Variants in DCAF7 observed in about 807,000 individuals in gnomAD.
DCAF7 encodes DDB1 and CUL4 associated factor 7, also known as DDB1- and CUL4-associated factor 7.
Under a neutral mutation model 41.2 loss-of-function variants are expected in DCAF7, and 4 were observed. That is an observed-to-expected ratio of 0.10 (90% CI 0.05 to 0.22). The LOEUF (loss-of-function observed/expected upper bound fraction) is 0.22, where lower values mean the gene tolerates loss of function less well. Ranked by LOEUF, DCAF7 falls within the 10% of genes least tolerant of loss-of-function variation. The pLI is 1.00. For synonymous variants in DCAF7, 143 were observed against 164.2 expected, an observed-to-expected ratio of 0.87 and a Z score of 0.99; for missense variants, 131 against 443.2, an observed-to-expected ratio of 0.30 and a Z score of 6.32.
chr17:63,589,969 C>T lies in DCAF7; in HGVS notation c.*797C>T, dbSNP rs2033717576. The T allele has an allele frequency of 6.5e-6, 1 of 152,716 alleles. No individual in the cohort carries two copies. The highest frequency in any genetic ancestry group is 2.1e-4 in the South Asian group (1 of 4,832). 9.5% of individuals were successfully genotyped at this position (152,716 alleles called of 1,614,324 possible). ...AGCCTCTGTTTACCCTGAAGCACCA[C>T]TGTCCAGCCCATTGGTTCCCACTGG... On this transcript the variant is annotated 3_prime_UTR_variant, in exon 7 of 7. Coordinates refer to ENST00000614556, the MANE Select transcript of DCAF7 (RefSeq NM_005828.5).
intron 1 of DCAF7, among the ~76,000 whole-genome samples, chr17:63,551,313 C>T (rs930055561): frequency 1.3e-5 from 2 of 149,248 alleles, no homozygotes; most frequent in Admixed American, 1.3e-4. Context: ...TCCCACCCCC[C>T]CCGGGTACTC....
chr17:63,555,228 G>A (rs543510003), intron 1 of DCAF7, among the ~76,000 whole-genome samples: 2 of 152,232 alleles, frequency 1.3e-5, no homozygotes, highest in Non-Finnish European at 2.9e-5. Flanking sequence ...ATGGCAGTGT[G>A]ATTGGGATTT....
intron 1 of DCAF7, among the ~76,000 whole-genome samples, chr17:63,554,788 A>G: frequency 6.6e-6 from 1 of 152,226 alleles, no homozygotes; most frequent in East Asian, 1.9e-4. Flanking sequence ...CTGTACCTGT[A>G]ATTGAAATAT....
chr17:63,559,396 TATGTATATATATGTATATATATAC>T (rs1160549142), intron 1 of DCAF7, among the ~76,000 whole-genome samples: 8 of 98,822 alleles, frequency 8.1e-5, no homozygotes, highest in Middle Eastern at 6.0e-3. Flanking sequence ...TGTATATATA[TATGTATATATATGTATATATATAC>T]GTATATATAT....
chr17:63,588,863 A>T, intron 6 of DCAF7, 137 bp from the exon 7 acceptor site: 1 of 936,168 alleles, frequency 1.1e-6, no homozygotes, highest in Non-Finnish European at 1.5e-6. Context: ...CGATTTCCTC[A>T]TCGATAAAAT....
At chr17:63,561,985 T>C (rs1378651434) in intron 1 of DCAF7, among the ~76,000 whole-genome samples, 1 of 146,972 alleles carries the variant, frequency 6.8e-6, no homozygotes, top group African/African-American at 2.6e-5. Context: ...CTCCAGAGTG[T>C]TCAGAATAAA....
intron 1 of DCAF7, among the ~76,000 whole-genome samples, chr17:63,555,256 AACTG>A (rs1214640621): frequency 6.6e-6 from 1 of 152,192 alleles, no homozygotes; most frequent in Non-Finnish European, 1.5e-5. Flanking sequence ...CCCAGTATTT[AACTG>A]ACTACTTGTG....
intron 5 of DCAF7, 62 bp from the exon 6 acceptor site, chr17:63,585,149 A>AT (rs1240786064): frequency 1.4e-6 from 2 of 1,387,556 alleles, no homozygotes; most frequent in Non-Finnish European, 2.0e-6. Context: ...TGTGGATAGT[A>AT]TTTTTTGTTT....
intron 5 of DCAF7, among the ~76,000 whole-genome samples, chr17:63,584,164 C>A (rs1598037024): frequency 6.6e-6 from 1 of 152,198 alleles, no homozygotes; most frequent in African/African-American, 2.4e-5. Context: ...CTTTAGCAAA[C>A]AGATGTAGAA....
chr17:63,551,310 C>A (rs181857091), intron 1 of DCAF7, among the ~76,000 whole-genome samples: 1 of 147,120 alleles, frequency 6.8e-6, no homozygotes, highest in African/African-American at 2.5e-5. Flanking sequence ...TACTCCCACC[C>A]CCCCCGGGTA....
Position 63,590,591 on chromosome 17 carries a change from G to C in DCAF7, c.*1419G>C, listed in dbSNP as rs2033724097. ...CTGTTATGTGAATGAGTTCCATGGA[G>C]GGGCATATGTGTGATTCCACCGTTA... On this transcript the variant is annotated 3_prime_UTR_variant, in exon 7 of 7. Transcript: ENST00000614556. The C allele has an allele frequency of 6.6e-6, 1 of 152,636 alleles. No individual in the cohort carries two copies. The highest frequency in any genetic ancestry group is 6.6e-5 in the Admixed American group (1 of 15,250). 9.5% of individuals were successfully genotyped at this position (152,636 alleles called of 1,614,324 possible).
intron 1 of DCAF7, among the ~76,000 whole-genome samples, chr17:63,553,251 G>A (rs1366339507): frequency 1.3e-5 from 2 of 152,150 alleles, no homozygotes; most frequent in African/African-American, 4.8e-5. Context: ...ATTTCAAGAT[G>A]CTTAACAACT....
In DCAF7 at chr17:63,578,635, G is replaced by A. The variant is rs769781886; in HGVS notation, c.297+7G>A. Reference sequence around the variant, plus strand: ...CTATCTCCGTGTGTGGAGGGTAAGCGGATGCTTTATTAGCAGCCAGACAAG... The same window carrying A: ...CTATCTCCGTGTGTGGAGGGTAAGCAGATGCTTTATTAGCAGCCAGACAAG... On this transcript the variant is annotated splice_region_variant and intron_variant, in intron 2 of 6. Coordinates refer to ENST00000614556, the MANE Select transcript of DCAF7 (RefSeq NM_005828.5). 6.2e-6 allele frequency: 10 copies of A among 1,613,910 alleles called. No individual in the cohort carries two copies. The highest frequency in any genetic ancestry group is 2.2e-5 in the East Asian group (1 of 44,882).
intron 1 of DCAF7, among the ~76,000 whole-genome samples, chr17:63,568,087 C>A (rs1347352141): frequency 2.6e-5 from 4 of 152,146 alleles, no homozygotes; most frequent in African/African-American, 9.7e-5. Flanking sequence ...GTGGCGTGAT[C>A]TCAGCTCACC....
intron 6 of DCAF7, 100 bp from the exon 7 acceptor site, chr17:63,588,900 C>T (rs12150245): frequency 0.012 from 15,583 of 1,295,772 alleles, 123 homozygotes; most frequent in Non-Finnish European, 0.014. Flanking sequence ...ACCGCCATCA[C>T]GGGGGTGCTT....
At chr17:63,563,529 T>C (rs1291520184) in intron 1 of DCAF7, among the ~76,000 whole-genome samples, 2 of 152,148 alleles carry the variant, frequency 1.3e-5, no homozygotes, top group Admixed American at 1.3e-4. Flanking sequence ...TAAACACATA[T>C]GTACAAAGGC....
intron 1 of DCAF7, among the ~76,000 whole-genome samples, chr17:63,566,232 G>A (rs1445914131): frequency 1.3e-5 from 2 of 151,944 alleles, no homozygotes; most frequent in Non-Finnish European, 2.9e-5. Flanking sequence ...TTAGCCGGGC[G>A]TGGTGGTAGG....
Position 63,589,870 on chromosome 17 carries a change from G to T in DCAF7, c.*698G>T, listed in dbSNP as rs984142004. On this transcript the variant is annotated 3_prime_UTR_variant, in exon 7 of 7. Coordinates refer to ENST00000614556, the MANE Select transcript of DCAF7 (RefSeq NM_005828.5). ...GTCCAAACCACCTTGGTGCTCTGAA[G>T]TCCACTGACTCATCACACCTTTCTT... The T allele has an allele frequency of 6.5e-6, 1 of 153,520 alleles. No individual in the cohort carries two copies. 9.5% of individuals were successfully genotyped at this position (153,520 alleles called of 1,614,324 possible). A position where few individuals can be genotyped will look rare whatever the true frequency, so the allele number is the denominator to read the frequency against.
intron 1 of DCAF7, among the ~76,000 whole-genome samples, chr17:63,569,237 C>T (rs1417442428): frequency 2.0e-5 from 3 of 152,234 alleles, no homozygotes; most frequent in South Asian, 2.1e-4. Context: ...ATCTTATAGG[C>T]GTGGAATGCT....
Sources: gnomAD v4.1 joint callset for allele counts (sites outside exome capture counted in the v4.1 genomes callset) on GRCh38, gnomAD v4.1.1 for gene constraint, MANE v1.5 for transcripts, NCBI Gene and HGNC (gene_info 2026-07-23, HGNC 2026-07-21) for gene names.